Variants in TMPRSS15 observed in about 807,000 individuals in gnomAD.
The protein encoded by TMPRSS15 is enteropeptidase.
TMPRSS15 carries 128 observed loss-of-function variants against 125.3 expected under a neutral mutation model. The observed-to-expected ratio is 1.02, with a 90% CI of 0.89 to 1.18. The LOEUF (loss-of-function observed/expected upper bound fraction) is 1.18, where lower values mean the gene tolerates loss of function less well. TMPRSS15 is among the 50% of genes most tolerant of loss of function. TMPRSS15 has a pLI of 0.00. For synonymous variants in TMPRSS15, 446 were observed against 423.2 expected (o/e 1.05, Z -0.66); for missense variants, 1,283 against 1,212.7 (o/e 1.06, Z -0.86).
chr21:18,472,496 TAC>T (rs1402160101), intron 1 of TMPRSS15, among the ~76,000 whole-genome samples: 6 of 147,468 alleles, frequency 4.1e-5, no homozygotes, highest in African/African-American at 1.3e-4. Flanking sequence ...CACACACACA[TAC>T]ACACACATAT....
chr21:18,325,684 A>ATTT (rs2075281272), intron 16 of TMPRSS15, among the ~76,000 whole-genome samples: 1 of 152,098 alleles, frequency 6.6e-6, no homozygotes, highest in African/African-American at 2.4e-5. Context: ...CCTGGAAAGA[A>ATTT]CCACTGAGTT....
intron 16 of TMPRSS15, among the ~76,000 whole-genome samples, chr21:18,322,187 A>G (rs2075245522): frequency 6.6e-6 from 1 of 152,298 alleles, no homozygotes; most frequent in South Asian, 2.1e-4. Flanking sequence ...TGTTAGTTTC[A>G]TTATAAGAAT....
intron 5 of TMPRSS15, among the ~76,000 whole-genome samples, chr21:18,372,877 A>C (rs2075806652): frequency 6.6e-6 from 1 of 152,200 alleles, no homozygotes; most frequent in African/African-American, 2.4e-5. Context: ...CACTTTCATA[A>C]ACTTAAGTCT....
intron 8 of TMPRSS15, among the ~76,000 whole-genome samples, chr21:18,354,169 C>A (rs1378205003): frequency 1.3e-5 from 2 of 151,754 alleles, no homozygotes; most frequent in East Asian, 1.9e-4. Context: ...CATTTACTGG[C>A]AAAGTTCATC....
At chr21:18,414,050 T>C (rs1412800734) in intron 1 of TMPRSS15, among the ~76,000 whole-genome samples, 3 of 152,242 alleles carry the variant, frequency 2.0e-5, no homozygotes, top group Non-Finnish European at 4.4e-5. Context: ...TATTTCAGCA[T>C]AGAAATATTA....
intron 1 of TMPRSS15, among the ~76,000 whole-genome samples, chr21:18,458,989 T>A (rs1258145031): frequency 6.6e-6 from 1 of 152,216 alleles, no homozygotes; most frequent in African/African-American, 2.4e-5. Flanking sequence ...GATACTCTCG[T>A]TAGCTTTCTT....
chr21:18,343,116 A>G (rs1351281269), intron 12 of TMPRSS15, among the ~76,000 whole-genome samples: 4 of 152,206 alleles, frequency 2.6e-5, no homozygotes, highest in African/African-American at 9.7e-5. Context: ...GCCTATGGGC[A>G]TAGGCATAGA....
At position 18,341,483 on chromosome 21, in the gene TMPRSS15, T is replaced by A; in HGVS notation, c.1494A>T (p.Thr498=). Reference sequence around the variant, plus strand: ...AAAGACTCCCATTGCAAATCCCATATGTTAGGCTAATGTCATCCAACGCAA... The same window carrying A: ...AAAGACTCCCATTGCAAATCCCATAAGTTAGGCTAATGTCATCCAACGCAA... ...SDIALDDISL[T]YGICNGSLYP... is the part of the protein sequence containing the mutation. The change falls in exon 13 of 25, where the codon ACA becomes ACT. Residue 498 remains threonine, a synonymous_variant. Transcript: ENST00000284885. The A allele has an allele frequency of 6.2e-7, 1 of 1,614,200 alleles. No individual in the cohort carries two copies.
rs369495699 is a variant in TMPRSS15 at position 18,422,527 on chromosome 21, A to G, written c.11-24198T>C. Among the ~76,000 whole-genome samples the G allele has an allele frequency of 1.7e-4, 26 of 152,314 alleles. No individual in the cohort carries two copies. In the East Asian group the frequency reaches 2.7e-3, roughly 16 times the overall value. ...TACTTACAGTTAATGATCATTGACT[A>G]TGTACTATGTGTAATTCTAGGAATT... is the stretch of plus-strand genomic sequence containing the variant. On this transcript the variant is annotated intron_variant, in intron 1 of 7. Coordinates refer to the TMPRSS15 transcript ENST00000422787.
At chr21:18,289,850 T>C (rs1337415129) in intron 21 of TMPRSS15, among the ~76,000 whole-genome samples, 7 of 152,192 alleles carry the variant, frequency 4.6e-5, no homozygotes, top group Admixed American at 1.3e-4. Context: ...AAAGAGGTAA[T>C]GGAGAAACTT....
intron 10 of TMPRSS15, among the ~76,000 whole-genome samples, chr21:18,349,926 T>C: frequency 6.6e-6 from 1 of 152,208 alleles, no homozygotes; most frequent in East Asian, 1.9e-4. Flanking sequence ...GGAGTTACTT[T>C]ATCTCTTATT....
intron 23 of TMPRSS15, among the ~76,000 whole-genome samples, chr21:18,278,122 G>T (rs555333689): frequency 2.6e-5 from 4 of 152,260 alleles, no homozygotes; most frequent in Admixed American, 1.3e-4. Flanking sequence ...AGTTACAAGA[G>T]ATTCCATTCT....
chr21:18,288,881 G>A (rs1303642325), intron 21 of TMPRSS15, among the ~76,000 whole-genome samples: 2 of 151,650 alleles, frequency 1.3e-5, no homozygotes, highest in African/African-American at 2.4e-5. Flanking sequence ...ATCTTAAAAT[G>A]ATATTATAGT....
chr21:18,457,745 T>C (rs1978470020), intron 1 of TMPRSS15, among the ~76,000 whole-genome samples: 1 of 152,144 alleles, frequency 6.6e-6, no homozygotes, highest in Non-Finnish European at 1.5e-5. Context: ...CTTCTACTTC[T>C]AGGGGATATT....
chr21:18,453,197 T>C (rs145457140), intron 1 of TMPRSS15, among the ~76,000 whole-genome samples: 120 of 152,320 alleles, frequency 7.9e-4, no homozygotes, highest in African/African-American at 2.5e-3. Context: ...TCCCTCTAAG[T>C]TGAAAACTAC....
intron 1 of TMPRSS15, among the ~76,000 whole-genome samples, chr21:18,400,449 T>A (rs1384411115): frequency 6.6e-6 from 1 of 152,174 alleles, no homozygotes; most frequent in Non-Finnish European, 1.5e-5. Flanking sequence ...ATCTAATCTT[T>A]AACAAAGTTG....
chr21:18,369,013 A>C (rs56229305), intron 6 of TMPRSS15, among the ~76,000 whole-genome samples: 5 of 152,078 alleles, frequency 3.3e-5, no homozygotes, highest in Admixed American at 3.3e-4. Context: ...TATATGACCC[A>C]GTTGTGGATG....
chr21:18,295,225 C>T (rs2824719), intron 19 of TMPRSS15, among the ~76,000 whole-genome samples: 117,804 of 152,154 alleles, frequency 0.77, 45,882 homozygotes, highest in Non-Finnish European at 0.82. Context: ...AAAGAAAGCA[C>T]AGGCAAAAAT....
At chr21:18,468,845 G>T in intron 1 of TMPRSS15, among the ~76,000 whole-genome samples, 1 of 152,014 alleles carries the variant, frequency 6.6e-6, no homozygotes, top group East Asian at 1.9e-4. Flanking sequence ...CTACTTTGAC[G>T]GTGCAAGCTG....
Sources: gnomAD v4.1 joint callset for allele counts (sites outside exome capture counted in the v4.1 genomes callset) on GRCh38, gnomAD v4.1.1 for gene constraint, MANE v1.5 for transcripts, NCBI Gene and HGNC (gene_info 2026-07-23, HGNC 2026-07-21) for gene names.